Variants in LAP3 observed in about 807,000 individuals in gnomAD.
The protein encoded by LAP3 is cytosol aminopeptidase.
Under a neutral mutation model 58.8 loss-of-function variants are expected in LAP3, and 46 were observed. That is an observed-to-expected ratio of 0.78 (90% CI 0.62 to 1.00). LAP3 has a LOEUF of 1.00. Ranked by LOEUF, LAP3 falls within the 50% of genes least tolerant of loss-of-function variation. The pLI is 0.00. For missense variants in LAP3, 615 were observed against 659.1 expected, an observed-to-expected ratio of 0.93 and a Z score of 0.73; for synonymous variants, 257 against 237.7, an observed-to-expected ratio of 1.08 and a Z score of -0.75.
At chr4:17,596,953 T>C in intron 8 of LAP3, 93 bp from the exon 9 acceptor site, 1 of 1,116,492 alleles carries the variant, frequency 9.0e-7, no homozygotes, top group Non-Finnish European at 1.3e-6. Flanking sequence ...CTTTGTGTCT[T>C]GCTTCTCATG....
At chr4:17,587,335 C>T (rs749919291) in intron 6 of LAP3, 3 of 152,152 alleles carry the variant, frequency 2.0e-5, no homozygotes, top group Non-Finnish European at 4.4e-5. Context: ...CAGAGAAACA[C>T]AGGCAGTTCT....
At chr4:17,604,928 CAT>C (rs1450250818) in intron 11 of LAP3, among the ~76,000 whole-genome samples, 1 of 152,100 alleles carries the variant, frequency 6.6e-6, no homozygotes, top group Non-Finnish European at 1.5e-5. Context: ...ACACTGTGGT[CAT>C]AGTTTTAGAA....
chr4:17,581,033 A>G (rs1713348531), intron 2 of LAP3, among the ~76,000 whole-genome samples: 1 of 152,250 alleles, frequency 6.6e-6, no homozygotes, highest in Admixed American at 6.5e-5. Context: ...TTAATCCAAA[A>G]GCTAACCTGT....
At chr4:17,580,591 G>T (rs766875047) in intron 2 of LAP3, among the ~76,000 whole-genome samples, 1 of 152,086 alleles carries the variant, frequency 6.6e-6, no homozygotes, top group Non-Finnish European at 1.5e-5. Context: ...CCTCCCAGCT[G>T]CCTTCCCACC....
intron 5 of LAP3, 111 bp downstream of exon 5, chr4:17,583,753 C>G: frequency 1.8e-6 from 2 of 1,136,924 alleles, no homozygotes; most frequent in Non-Finnish European, 2.6e-6. Flanking sequence ...CGTGGCTTGG[C>G]TGTGACCTCC....
intron 7 of LAP3, among the ~76,000 whole-genome samples, chr4:17,589,267 G>C (rs1713615877): frequency 6.6e-6 from 1 of 151,872 alleles, no homozygotes; most frequent in Non-Finnish European, 1.5e-5. Flanking sequence ...TGCCGTGTTG[G>C]CCAGGCTGGT....
chr4:17,601,833 C>G (rs993780677), intron 10 of LAP3, among the ~76,000 whole-genome samples: 2 of 152,070 alleles, frequency 1.3e-5, no homozygotes, highest in African/African-American at 4.8e-5. Context: ...AGCCATCTCC[C>G]CCGCTTCAAA....
rs1252423510 is a variant in LAP3 at position 17,595,334 on chromosome 4, A to C, written c.864-76A>C. ...ATTACAGGCGTGAGCCACCGTGCCC[A>C]TCTGTACTTTTTAAATAAAGTGATT... On this transcript the variant is annotated intron_variant, in intron 7 of 12. Coordinates refer to ENST00000226299, the MANE Select transcript of LAP3 (RefSeq NM_015907.3). The C allele has an allele frequency of 9.0e-6, 14 of 1,558,986 alleles. No individual in the cohort carries two copies. In the Admixed American group the frequency reaches 1.2e-4, roughly 13 times the overall value.
intron 5 of LAP3, 73 bp from the exon 6 acceptor site, chr4:17,584,899 G>C (rs1202310982): frequency 7.0e-7 from 1 of 1,428,820 alleles, no homozygotes; most frequent in Non-Finnish European, 9.7e-7. Context: ...TAAGGTAAGA[G>C]TGTCTCTTAG....
chr4:17,577,414 A>T lies in LAP3; in HGVS notation c.-52A>T. 1 of 1,398,624 alleles carries T rather than the reference A, an allele frequency of 7.1e-7. No homozygotes were observed. The highest frequency in any genetic ancestry group is 9.6e-7 in the Non-Finnish European group (1 of 1,047,060). The allele number at this position is 1,398,624 out of a possible 1,614,324, so 86.6% of individuals were successfully genotyped here. A position where few individuals can be genotyped will look rare whatever the true frequency, so the allele number is the denominator to read the frequency against. ...GCCCCGCCCCAAGGCGCGCCCGCCC[A>T]CCGCTCTCCACGTGCTCGCTGGAGG... On this transcript the variant is annotated 5_prime_UTR_variant, in exon 1 of 13. Coordinates refer to ENST00000226299, the MANE Select transcript of LAP3 (RefSeq NM_015907.3).
intron 10 of LAP3, among the ~76,000 whole-genome samples, chr4:17,600,413 G>C (rs1713954231): frequency 7.3e-6 from 1 of 136,812 alleles, no homozygotes; most frequent in African/African-American, 2.7e-5. Flanking sequence ...CTAGGGTGGG[G>C]GGTTGGGGGA....
intron 7 of LAP3, among the ~76,000 whole-genome samples, chr4:17,589,187 A>G (rs926253001): frequency 6.6e-6 from 1 of 151,704 alleles, no homozygotes; most frequent in Non-Finnish European, 1.5e-5. Context: ...CAGCCTCCCA[A>G]GTAGCTGGGA....
rs1713307257 is a variant in LAP3 at position 17,579,926 on chromosome 4, G to C, written c.205G>C (p.Glu69Gln). Residue 69 changes from glutamate to glutamine, a missense_variant, in exon 2 of 13, where the codon GAG (glutamate) becomes CAG (glutamine). Transcript: ENST00000226299. ...FDKLLAGKLR[E>Q]TLNISGPPLK... Reference sequence around the variant, plus strand: ...TAAATTGTTAGCTGGAAAGCTGAGAGAGACTTTGAACATGTAAGTGTTGCT... The same window carrying C: ...TAAATTGTTAGCTGGAAAGCTGAGACAGACTTTGAACATGTAAGTGTTGCT... 6.2e-7 allele frequency: 1 copy of C among 1,600,052 alleles called. No individual in the cohort carries two copies. The highest frequency in any genetic ancestry group is 1.3e-5 in the African/African-American group (1 of 74,562).
intron 7 of LAP3, among the ~76,000 whole-genome samples, chr4:17,590,397 G>C (rs763953820): frequency 1.6e-4 from 24 of 151,984 alleles, no homozygotes; most frequent in Non-Finnish European, 3.2e-4. Flanking sequence ...AGGTCAAAGT[G>C]CCTCCTTGTG....
chr4:17,577,493 G>T lies in LAP3; in HGVS notation c.28G>T (p.Gly10Trp), dbSNP rs1026498277. MFLLPLPAA[G>W]RVVVRRLAVR... ...GTTCTTGCTGCCTCTTCCGGCTGCG[G>T]GGCGAGTAGTCGTCCGACGTCTGGC... Residue 10 changes from glycine to tryptophan, a missense_variant, in exon 1 of 13, where the codon GGG becomes TGG. Physicochemically the swap from Gly to Trp is radical, Grantham distance 184. Coordinates refer to ENST00000226299, the MANE Select transcript of LAP3 (RefSeq NM_015907.3). The T allele has an allele frequency of 5.7e-6, 9 of 1,584,270 alleles. No individual in the cohort carries two copies. Among genetic ancestry groups the T allele is most frequent in the African/African-American group, 1.4e-5 (1 of 73,942 alleles).
intron 10 of LAP3, among the ~76,000 whole-genome samples, chr4:17,599,062 G>A (rs1713923286): frequency 6.6e-6 from 1 of 151,982 alleles, no homozygotes; most frequent in Non-Finnish European, 1.5e-5. Flanking sequence ...TAGTAGAGAT[G>A]GGGTTTAACC....
At chr4:17,604,472 T>C (rs1435864663) in intron 10 of LAP3, 116 bp from the exon 11 acceptor site, 2 of 689,424 alleles carry the variant, frequency 2.9e-6, no homozygotes, top group Non-Finnish European at 5.3e-6. Flanking sequence ...GCTTATCTAT[T>C]TTTGAAAATG....
In LAP3 at chr4:17,597,252, T is replaced by C; in HGVS notation, c.1077+118T>C. The stretch of plus-strand genomic sequence containing the variant: ...CCAGAACCATATTAGGGGAGGGTGC[T>C]GTCTTTAGTGCTGGGTAGCCTTTCT... On this transcript the variant is annotated intron_variant, in intron 9 of 12. Coordinates refer to ENST00000226299, the MANE Select transcript of LAP3 (RefSeq NM_015907.3). The C allele has an allele frequency of 6.1e-6, 5 of 814,412 alleles. No homozygotes were observed. The South Asian group carries it at 7.1e-5, about 12-fold the overall frequency. The allele number at this position is 814,412 out of a possible 1,614,324, so 50.4% of individuals were successfully genotyped here.
intron 11 of LAP3, among the ~76,000 whole-genome samples, chr4:17,605,398 A>G (rs951842495): frequency 6.6e-5 from 10 of 152,158 alleles, no homozygotes; most frequent in African/African-American, 2.4e-4. Context: ...CCTCACATGG[A>G]AGCTCCAGCC....
Sources: gnomAD v4.1 joint callset for allele counts (sites outside exome capture counted in the v4.1 genomes callset) on GRCh38, gnomAD v4.1.1 for gene constraint, MANE v1.5 for transcripts, NCBI Gene and HGNC (gene_info 2026-07-23, HGNC 2026-07-21) for gene names.